DNAH3: variants seen among roughly 807,000 people sequenced by gnomAD.
The protein encoded by DNAH3 is dynein axonemal heavy chain 3.
DNAH3 carries 332 observed loss-of-function variants against 432.5 expected under a neutral mutation model. The observed-to-expected ratio is 0.77, with a 90% CI of 0.70 to 0.84. The LOEUF (loss-of-function observed/expected upper bound fraction) is 0.84, where lower values mean the gene tolerates loss of function less well. Among genes scored for constraint, DNAH3 ranks in the 40% least tolerant of loss-of-function variants. The pLI, the probability that DNAH3 is intolerant of heterozygous loss-of-function variation, is 0.00. For missense variants in DNAH3, 4,861 were observed against 5,114.0 expected, an observed-to-expected ratio of 0.95 and a Z score of 1.51; for synonymous variants, 1,956 against 1,900.2, an observed-to-expected ratio of 1.03 and a Z score of -0.76.
chr16:21,062,036 CATT>C (rs1241092543), intron 25 of DNAH3, among the ~76,000 whole-genome samples: 1 of 152,134 alleles, frequency 6.6e-6, no homozygotes, highest in Non-Finnish European at 1.5e-5. Flanking sequence ...ATACTTTACT[CATT>C]ATATAAGGAC....
chr16:21,131,555 GGAAA>G (rs1597453399), intron 7 of DNAH3, among the ~76,000 whole-genome samples: 1 of 151,446 alleles, frequency 6.6e-6, no homozygotes, highest in Non-Finnish European at 1.5e-5. Context: ...AAGGAAGGAA[GGAAA>G]GAAAGAAAGG....
chr16:20,954,684 G>A lies in DNAH3; in HGVS notation c.11071+129C>T, dbSNP rs531738157. Reference sequence around the variant, plus strand: ...ATAAGTATGTTCCAAATATTGCCTGGAAAATATTTATACCGTATCTTACTG... The same window carrying A: ...ATAAGTATGTTCCAAATATTGCCTGAAAAATATTTATACCGTATCTTACTG... On this transcript the variant is annotated intron_variant, in intron 55 of 61. Coordinates refer to ENST00000261383, the Ensembl canonical transcript of DNAH3. 1.5e-3 allele frequency: 1,603 copies of A among 1,041,064 alleles called. 5 individuals are homozygous for A. Among genetic ancestry groups the A allele is most frequent in the Middle Eastern group, 4.6e-3 (14 of 3,042 alleles). The allele number at this position is 1,041,064 out of a possible 1,614,324, so 64.5% of individuals were successfully genotyped here.
intron 20 of DNAH3, among the ~76,000 whole-genome samples, chr16:21,076,163 A>C (rs191289031): frequency 2.6e-5 from 4 of 152,142 alleles, no homozygotes; most frequent in Admixed American, 2.0e-4. Flanking sequence ...ATGTAACTCT[A>C]TTTGGAGAAA....
At chr16:20,967,634 C>T (rs7187094) in intron 52 of DNAH3, among the ~76,000 whole-genome samples, 3,860 of 150,402 alleles carry the variant, frequency 0.026, 178 homozygotes, top group African/African-American at 0.09. Flanking sequence ...TTCCGTGTAG[C>T]TGGGATTAGG....
Position 20,955,034 on chromosome 16 carries a change from GA to G in DNAH3, c.10849del (p.Ser3617GlnfsTer15), listed in dbSNP as rs1432742986. 2 of 1,610,784 alleles carry G rather than the reference GA, an allele frequency of 1.2e-6. No homozygotes were observed. Among genetic ancestry groups the G allele is most frequent in the African/African-American group, 2.7e-5 (2 of 74,786 alleles). On this transcript the variant is annotated frameshift_variant, in exon 55 of 62. Transcript: ENST00000261383. LOFTEE classifies it high-confidence loss of function. ...GAGAATGCTGACTGGAAACTTCTCT[GA>G]TGGATAGCTGGTTAGCCAGAGTCTG... is the stretch of plus-strand genomic sequence containing the variant.
At chr16:20,979,676 T>A in intron 49 of DNAH3, 130 bp from the exon 50 acceptor site, 1 of 781,156 alleles carries the variant, frequency 1.3e-6, no homozygotes, top group Admixed American at 2.3e-5. Context: ...ATCCAAACTC[T>A]CTGAGGACAT....
At chr16:21,083,373 T>C (rs1372270571) in intron 19 of DNAH3, among the ~76,000 whole-genome samples, 1 of 152,148 alleles carries the variant, frequency 6.6e-6, no homozygotes, top group Non-Finnish European at 1.5e-5. Context: ...AACCCAGAAG[T>C]AGTTACCGTT....
At chr16:20,964,134 C>T (rs1414106086) in exon 53 of DNAH3, 5 of 1,614,180 alleles carry the variant, frequency 3.1e-6, no homozygotes, top group African/African-American at 2.7e-5. Context: ...GGATGTTACC[C>T]TTGGACATGG....
chr16:20,963,438 G>T, exon 53 of DNAH3: 2 of 1,614,124 alleles, frequency 1.2e-6, no homozygotes, highest in Non-Finnish European at 1.7e-6. Context: ...GCACCATTTT[G>T]TCAGGCCGCA....
intron 11 of DNAH3, 27 bp from the exon 12 acceptor site, chr16:21,117,366 G>T: frequency 7.7e-7 from 1 of 1,301,728 alleles, no homozygotes; most frequent in Non-Finnish European, 1.1e-6. Flanking sequence ...ACTTTTGCAT[G>T]TTGCAAGACT....
chr16:21,111,769 A>G (rs776817995), exon 14 of DNAH3: 4 of 1,613,880 alleles, frequency 2.5e-6, no homozygotes, highest in Non-Finnish European at 3.4e-6. Flanking sequence ...TCATGGATGC[A>G]ATTTCATTTC....
chr16:20,944,376 G>T, intron 58 of DNAH3, 120 bp downstream of exon 58: 1 of 1,178,100 alleles, frequency 8.5e-7, no homozygotes, highest in Non-Finnish European at 1.2e-6. Context: ...CCCTGCCCTT[G>T]GCCAGGAGGC....
rs75877701 is a variant in DNAH3 at position 21,026,953 on chromosome 16, T to C, written c.5540+74A>G. The C allele has an allele frequency of 1.2e-3, 1,280 of 1,041,576 alleles. 13 individuals carry two copies. The African/African-American group carries it at 0.017, about 14-fold the overall frequency. The allele number at this position is 1,041,576 out of a possible 1,614,324, so 64.5% of individuals were successfully genotyped here. Reference sequence around the variant, plus strand: ...GAGGGCTTCATCACATTTGTGAAATTTGAGAGCTTTCTCTTTTGCTTAGGG... The same window carrying C: ...GAGGGCTTCATCACATTTGTGAAATCTGAGAGCTTTCTCTTTTGCTTAGGG... On this transcript the variant is annotated intron_variant, in intron 38 of 61. Transcript: ENST00000261383.
Position 21,098,764 on chromosome 16 carries a change from G to C in DNAH3, c.2372C>G (p.Ser791Ter), listed in dbSNP as rs1567788324. Residue 791 changes from serine to a stop codon, truncating the protein, a stop_gained, in exon 17 of 62, where the codon TCA (serine) becomes TGA (stop). Transcript: ENST00000261383. LOFTEE classifies it high-confidence loss of function. ...GCCCTCAAGTCTCAACTCAAATTCT[G>C]AGCATCTGAAAATAAAGACAGCCTG... 6.2e-7 allele frequency: 1 copy of C among 1,606,964 alleles called. No individual in the cohort carries two copies. The highest frequency in any genetic ancestry group is 2.2e-5 in the East Asian group (1 of 44,810).
At chr16:21,159,210 T>C (rs2092932242) in intron 1 of DNAH3, 1 of 1,001,806 alleles carries the variant, frequency 1.0e-6, no homozygotes, top group Non-Finnish European at 1.6e-6. Flanking sequence ...CAGAGAGATC[T>C]GCAAGTATCA....
chr16:21,005,167 TTCTTTTTC>T (rs1349038625), intron 41 of DNAH3, among the ~76,000 whole-genome samples: 2 of 143,048 alleles, frequency 1.4e-5, no homozygotes, highest in African/African-American at 2.8e-5. Context: ...TTTTCTTTCT[TTCTTTTTC>T]TTTTTCTTTC....
rs1302177757 is a variant in DNAH3, at chr16:21,034,236, T to TTG, written c.5086-153_5086-152dup. 3.4e-6 allele frequency: 2 copies of TTG among 586,140 alleles called. 1 individual carries two copies. The highest frequency in any genetic ancestry group is 3.7e-5 in the African/African-American group (2 of 53,408). 36.3% of individuals were successfully genotyped at this position (586,140 alleles called of 1,614,324 possible). On this transcript the variant is annotated intron_variant, in intron 35 of 61. Coordinates refer to ENST00000261383, the Ensembl canonical transcript of DNAH3. ...GAACTTCGGTTCTTTTCATGGTCTA[T>TTG]TGTTTACATATCTTTCAGACGAAAA... is the stretch of plus-strand genomic sequence containing the variant.
rs2084358083 is a variant in DNAH3 at position 20,952,419 on chromosome 16, C to T, written c.11188+14G>A. On this transcript the variant is annotated intron_variant, in intron 56 of 61. Coordinates refer to ENST00000261383, the Ensembl canonical transcript of DNAH3. ...ACTGGAGGTTTACAGTGGAAAAACT[C>T]CTCCCGTAAATACCTGTCAGGTAGG... 1.3e-6 allele frequency: 2 copies of T among 1,533,012 alleles called. No individual in the cohort carries two copies. The highest frequency in any genetic ancestry group is 2.3e-5 in the East Asian group (1 of 44,424). 95.0% of individuals were successfully genotyped at this position (1,533,012 alleles called of 1,614,324 possible).
chr16:21,104,557 C>T (rs758493274), intron 15 of DNAH3: 3 of 1,613,468 alleles, frequency 1.9e-6, no homozygotes, highest in Non-Finnish European at 2.5e-6. Context: ...TCTGGTCTGG[C>T]CAGAGGAACA....
Sources: allele counts gnomAD v4.1 joint callset (sites outside exome capture counted in the v4.1 genomes callset), GRCh38; gene constraint gnomAD v4.1.1; transcripts MANE v1.5; gene names NCBI Gene and HGNC (gene_info 2026-07-23, HGNC 2026-07-21).